The following RAB38 variants were observed in gnomAD, a reference collection of about 807,000 sequenced individuals.
RAB38 encodes the protein ras-related protein Rab-38.
RAB38 carries 15 observed loss-of-function variants against 18.4 expected under a neutral mutation model. The observed-to-expected ratio is 0.82, with a 90% confidence interval of 0.55 to 1.26. The LOEUF (loss-of-function observed/expected upper bound fraction) is 1.26, where lower values mean the gene tolerates loss of function less well. RAB38 is among the 50% of genes most tolerant of loss of function. The probability of loss-of-function intolerance (pLI) is 0.00; values close to 1 mark genes in which losing one functional copy is unlikely to be tolerated. For missense variants in RAB38, 294 were observed against 267.4 expected (o/e 1.10, Z -0.69); for synonymous variants, 101 against 104.4 (o/e 0.97, Z 0.20).
At chr11:87,914,050 T>C in the RAB38 span, among the ~76,000 whole-genome samples, 11 of 152,060 alleles carry the variant, frequency 7.2e-5, no homozygotes, top group African/African-American at 2.7e-4. Flanking sequence ...GCTGTAAAAA[T>C]ACCTTAAAGT....
the RAB38 span, among the ~76,000 whole-genome samples, chr11:87,947,062 G>GA: frequency 2.0e-5 from 3 of 152,060 alleles, no homozygotes; most frequent in Non-Finnish European, 4.4e-5. Flanking sequence ...GTTGTTTCCT[G>GA]ACTTTTTAAT....
chr11:88,063,985 G>A, the RAB38 span, among the ~76,000 whole-genome samples: 25 of 152,294 alleles, frequency 1.6e-4, no homozygotes, highest in African/African-American at 2.4e-5. Flanking sequence ...ACAGTGTCCC[G>A]TTTGAAATGA....
the RAB38 span, among the ~76,000 whole-genome samples, chr11:88,067,781 G>C: frequency 2.6e-5 from 4 of 151,890 alleles, no homozygotes; most frequent in African/African-American, 9.7e-5. Flanking sequence ...AAAGCATTAG[G>C]ACAAATACCT....
the RAB38 span, among the ~76,000 whole-genome samples, chr11:87,874,610 G>T: frequency 6.6e-6 from 1 of 150,520 alleles, no homozygotes; most frequent in South Asian, 2.1e-4. Context: ...TAACAAACCT[G>T]CACGTTGTGC....
At chr11:87,808,256 C>A in the RAB38 span, among the ~76,000 whole-genome samples, 1 of 152,134 alleles carries the variant, frequency 6.6e-6, no homozygotes, top group Non-Finnish European at 1.5e-5. Context: ...TATCTAAGCT[C>A]CCATGTTTAG....
chr11:87,808,745 A>G, the RAB38 span, among the ~76,000 whole-genome samples: 1 of 152,178 alleles, frequency 6.6e-6, no homozygotes, highest in African/African-American at 2.4e-5. Flanking sequence ...AGTAAACTGT[A>G]TATTTCAAAC....
the RAB38 span, among the ~76,000 whole-genome samples, chr11:87,865,705 A>G: frequency 2.0e-5 from 3 of 151,744 alleles, no homozygotes; most frequent in Non-Finnish European, 4.4e-5. Context: ...GAAGAAAAGA[A>G]GGAAAAGAGA....
chr11:88,100,402 T>C, the RAB38 span, among the ~76,000 whole-genome samples: 1 of 151,946 alleles, frequency 6.6e-6, no homozygotes, highest in South Asian at 2.1e-4. Flanking sequence ...TGTGTGGAAC[T>C]GTAAAACTGT....
At chr11:88,159,131 A>G (rs1943158676) in intron 1 of RAB38, among the ~76,000 whole-genome samples, 1 of 151,762 alleles carries the variant, frequency 6.6e-6, no homozygotes, top group Non-Finnish European at 1.5e-5. Flanking sequence ...AATCAATAGC[A>G]TTTCTATCCA....
chr11:87,953,713 A>G, the RAB38 span, among the ~76,000 whole-genome samples: 1 of 152,170 alleles, frequency 6.6e-6, no homozygotes, highest in East Asian at 1.9e-4. Flanking sequence ...GCATCCAGTG[A>G]GAGTCTTGCA....
the RAB38 span, among the ~76,000 whole-genome samples, chr11:88,071,367 A>G: frequency 1.3e-5 from 2 of 152,174 alleles, no homozygotes; most frequent in Admixed American, 1.3e-4. Context: ...TCTCATATGC[A>G]CAAGGCCCAG....
chr11:87,822,347 C>T, the RAB38 span, among the ~76,000 whole-genome samples: 1 of 152,200 alleles, frequency 6.6e-6, no homozygotes, highest in Admixed American at 6.5e-5. Flanking sequence ...TACATAAAAA[C>T]TGCCCAAAAA....
the RAB38 span, among the ~76,000 whole-genome samples, chr11:87,912,107 A>G: frequency 1.3e-5 from 2 of 152,004 alleles, no homozygotes; most frequent in African/African-American, 4.8e-5. Flanking sequence ...TCAATTTTCT[A>G]AAATGTTAAG....
At chr11:87,894,363 A>G in the RAB38 span, among the ~76,000 whole-genome samples, 1 of 151,806 alleles carries the variant, frequency 6.6e-6, no homozygotes, top group African/African-American at 2.4e-5. Flanking sequence ...AACAATATAT[A>G]TTTACTATAG....
At chr11:88,039,059 G>A in the RAB38 span, among the ~76,000 whole-genome samples, 3 of 152,126 alleles carry the variant, frequency 2.0e-5, no homozygotes, top group African/African-American at 7.2e-5. Flanking sequence ...ATTTATTTGG[G>A]AGCATATAAA....
At chr11:87,890,794 A>T in the RAB38 span, among the ~76,000 whole-genome samples, 1 of 151,904 alleles carries the variant, frequency 6.6e-6, no homozygotes, top group African/African-American at 2.4e-5. Flanking sequence ...GAAAAATTTG[A>T]TTCATTTATG....
chr11:88,153,899 A>G (rs547725129), intron 1 of RAB38, among the ~76,000 whole-genome samples: 3 of 152,192 alleles, frequency 2.0e-5, no homozygotes, highest in South Asian at 2.1e-4. Context: ...ATAAAGACCA[A>G]TTGTGTGGGC....
the RAB38 span, among the ~76,000 whole-genome samples, chr11:88,010,868 C>A: frequency 6.6e-6 from 1 of 152,146 alleles, no homozygotes; most frequent in South Asian, 2.1e-4. Context: ...AAGCTCCCAA[C>A]CTTCAGTATC....
chr11:88,033,872 C>A, the RAB38 span, among the ~76,000 whole-genome samples: 2 of 151,818 alleles, frequency 1.3e-5, no homozygotes, highest in African/African-American at 2.4e-5. Context: ...GGACTACAGG[C>A]AGCCGCCACT....
Sources: allele counts gnomAD v4.1 joint callset (sites outside exome capture counted in the v4.1 genomes callset), GRCh38; gene constraint gnomAD v4.1.1; transcripts MANE v1.5; gene names NCBI Gene and HGNC (gene_info 2026-07-23, HGNC 2026-07-21).